METTL8: variants seen among roughly 807,000 people sequenced by gnomAD.
METTL8 encodes methyltransferase 8, tRNA N3-cytidine, also known as tRNA N(3)-cytidine methyltransferase METTL8, mitochondrial.
In METTL8, 32 loss-of-function variants were observed where a neutral mutation model predicts 48.7. The ratio of observed to expected loss-of-function variants is 0.66; its 90% CI spans 0.50 to 0.88. The LOEUF (loss-of-function observed/expected upper bound fraction) is 0.88, where lower values mean the gene tolerates loss of function less well. Among genes scored for constraint, METTL8 ranks in the 40% least tolerant of loss-of-function variants. The pLI is 0.00. For missense variants in METTL8, 464 were observed against 474.4 expected (o/e 0.98, Z 0.20); for synonymous variants, 136 against 157.1 (o/e 0.87, Z 1.01).
At chr2:171,346,076 T>C (rs1370181081) in intron 3 of METTL8, among the ~76,000 whole-genome samples, 3 of 152,226 alleles carry the variant, frequency 2.0e-5, no homozygotes, top group African/African-American at 7.2e-5. Flanking sequence ...GTGCCCAGCC[T>C]GGAGTGCAGT....
intron 2 of METTL8, among the ~76,000 whole-genome samples, chr2:171,388,343 C>A (rs57396064): frequency 6.6e-6 from 1 of 152,120 alleles, no homozygotes; most frequent in African/African-American, 2.4e-5. Context: ...CTCTATAATG[C>A]CTTATACTTC....
chr2:171,329,944 T>C (rs1309970080), intron 7 of METTL8, among the ~76,000 whole-genome samples: 1 of 152,206 alleles, frequency 6.6e-6, no homozygotes, highest in Non-Finnish European at 1.5e-5. Context: ...GCTGGTAATA[T>C]CTCTTTATGT....
In METTL8 at chr2:171,322,279, C is replaced by T. The variant is rs1012933923; in HGVS notation, c.*1893G>A. The T allele has an allele frequency of 6.6e-6, 1 of 151,724 alleles. No individual in the cohort carries two copies. The highest frequency in any genetic ancestry group is 1.5e-5 in the Non-Finnish European group (1 of 67,958). The allele number at this position is 151,724 out of a possible 1,614,324, so 9.4% of individuals were successfully genotyped here. ...CGCCCGGCCCTCGAGGGGATAAATACATTTTTAACTGCCACAATTTAAGAA... is the reference window on the plus strand; with the variant it reads ...CGCCCGGCCCTCGAGGGGATAAATATATTTTTAACTGCCACAATTTAAGAA... On this transcript the variant is annotated 3_prime_UTR_variant, in exon 10 of 10. Transcript: ENST00000375258.
At chr2:171,381,224 C>G (rs754243785) in intron 2 of METTL8, among the ~76,000 whole-genome samples, 6 of 152,196 alleles carry the variant, frequency 3.9e-5, no homozygotes, top group African/African-American at 7.2e-5. Flanking sequence ...TGAAACCGGA[C>G]TCCTTCCTTA....
In METTL8 at chr2:171,325,918, T is replaced by G. The variant is rs1283971148; in HGVS notation, c.968-12A>C. 8.9e-6 allele frequency: 14 copies of G among 1,574,776 alleles called. No homozygotes were observed. The highest frequency in any genetic ancestry group is 1.2e-5 in the Non-Finnish European group (14 of 1,150,024). ...AGATAAACAATGTCCTGAAAAAAAT[T>G]GTGAAAAGAGAAACTCTTAAGGGTA... On this transcript the variant is annotated splice_polypyrimidine_tract_variant and intron_variant, in intron 8 of 9. Coordinates refer to ENST00000375258, the MANE Select transcript of METTL8 (RefSeq NM_001321154.2).
intron 2 of METTL8, among the ~76,000 whole-genome samples, chr2:171,362,850 C>G (rs1041485868): frequency 1.4e-4 from 22 of 152,064 alleles, no homozygotes; most frequent in African/African-American, 5.1e-4. Flanking sequence ...ACTTTAAATT[C>G]TGTATATATT....
chr2:171,324,963 G>A (rs1684782588), intron 9 of METTL8, among the ~76,000 whole-genome samples: 1 of 151,680 alleles, frequency 6.6e-6, no homozygotes, highest in Non-Finnish European at 1.5e-5. Context: ...AATTACCTAG[G>A]CGTGGAGGTA....
At chr2:171,418,262 G>A (rs1691517164) in intron 1 of METTL8, among the ~76,000 whole-genome samples, 1 of 152,018 alleles carries the variant, frequency 6.6e-6, no homozygotes, top group Admixed American at 6.6e-5. Flanking sequence ...TATCTTCTTA[G>A]GCTCCTATTT....
intron 3 of METTL8, among the ~76,000 whole-genome samples, chr2:171,344,621 T>C (rs1687091728): frequency 6.6e-6 from 1 of 152,236 alleles, no homozygotes; most frequent in African/African-American, 2.4e-5. Context: ...ACCATGCAGT[T>C]ATATGATGAA....
intron 5 of METTL8, among the ~76,000 whole-genome samples, chr2:171,336,591 C>G (rs1276215295): frequency 6.6e-6 from 1 of 151,418 alleles, no homozygotes; most frequent in African/African-American, 2.4e-5. Flanking sequence ...TTAGTAGAGA[C>G]GAGGTTTCAC....
chr2:171,408,314 G>A (rs565806113), intron 1 of METTL8, among the ~76,000 whole-genome samples: 1 of 139,724 alleles, frequency 7.2e-6, no homozygotes, highest in Non-Finnish European at 1.5e-5. Context: ...TTTTTTTTGA[G>A]ATGGAGTTTC....
rs60563600 is a variant in METTL8, at chr2:171,404,052, C to CATATATATAT, written c.-12-11865_-12-11856dup. On this transcript the variant is annotated intron_variant, in intron 1 of 9. Transcript: ENST00000375258. ...AAACCCTATACATACTATGCTTTCT[C>CATATATATAT]ATATATATATATATATATATATATA... Among the ~76,000 whole-genome samples the CATATATATAT allele has an allele frequency of 4.4e-3, 192 of 43,950 alleles. 24 individuals carry two copies. The highest frequency in any genetic ancestry group is 5.3e-3 in the Non-Finnish European group (128 of 24,354). 28.8% of individuals were successfully genotyped at this position (43,950 alleles called of 152,430 possible). A position where few individuals can be genotyped will look rare whatever the true frequency, so the allele number is the denominator to read the frequency against.
intron 2 of METTL8, among the ~76,000 whole-genome samples, chr2:171,390,321 T>G (rs1688468780): frequency 6.6e-6 from 1 of 152,252 alleles, no homozygotes; most frequent in South Asian, 2.1e-4. Flanking sequence ...GTTGCTTTCA[T>G]GCCAACTAAC....
At chr2:171,389,897 C>G (rs1209721608) in intron 2 of METTL8, among the ~76,000 whole-genome samples, 2 of 152,016 alleles carry the variant, frequency 1.3e-5, no homozygotes, top group Non-Finnish European at 2.9e-5. Flanking sequence ...CACTAAAAAA[C>G]AAACTTTCAA....
chr2:171,321,500 C>G lies in METTL8; in HGVS notation c.*2672G>C, dbSNP rs907780006. The G allele has an allele frequency of 6.6e-6, 1 of 152,122 alleles. No individual in the cohort carries two copies. Among genetic ancestry groups the G allele is most frequent in the African/African-American group, 2.4e-5 (1 of 41,406 alleles). The allele number at this position is 152,122 out of a possible 1,614,324, so 9.4% of individuals were successfully genotyped here. A position where few individuals can be genotyped will look rare whatever the true frequency, so the allele number is the denominator to read the frequency against. On this transcript the variant is annotated 3_prime_UTR_variant, in exon 10 of 10. Transcript: ENST00000375258. ...CATCAATTAAGCTGCCCTGCCCCAG[C>G]CTGTTAAGAGATGAACCAATGACTA...
intron 2 of METTL8, among the ~76,000 whole-genome samples, chr2:171,390,563 A>C (rs543690605): frequency 6.6e-6 from 1 of 152,304 alleles, no homozygotes; most frequent in East Asian, 1.9e-4. Flanking sequence ...AGTTTGGAAG[A>C]AGTTGATTCT....
intron 1 of METTL8, among the ~76,000 whole-genome samples, chr2:171,395,667 A>C (rs1688994864): frequency 1.3e-5 from 2 of 152,196 alleles, no homozygotes; most frequent in African/African-American, 4.8e-5. Context: ...GCATGTACCT[A>C]ATAACAAAGC....
chr2:171,420,079 G>A (rs975641446), intron 1 of METTL8, among the ~76,000 whole-genome samples: 2 of 152,032 alleles, frequency 1.3e-5, no homozygotes, highest in South Asian at 2.1e-4. Context: ...GGCTGGGCAC[G>A]GTGGCTCACA....
chr2:171,431,460 A>G (rs2105689428), intron 1 of METTL8, among the ~76,000 whole-genome samples: 1 of 152,320 alleles, frequency 6.6e-6, no homozygotes, highest in East Asian at 1.9e-4. Context: ...TCCGGGGTCC[A>G]CACACCTAAT....
Sources: allele counts gnomAD v4.1 joint callset (sites outside exome capture counted in the v4.1 genomes callset), GRCh38; gene constraint gnomAD v4.1.1; transcripts MANE v1.5; gene names NCBI Gene and HGNC (gene_info 2026-07-23, HGNC 2026-07-21).